The following TMEM151B variants were observed in gnomAD, a reference collection of about 807,000 sequenced individuals.
TMEM151B encodes the protein transmembrane protein 151B, also known as transmembrane protein 193.
Under a neutral mutation model 33.0 loss-of-function variants are expected in TMEM151B, and 18 were observed. The observed-to-expected ratio is 0.55, with a 90% CI of 0.38 to 0.81. The LOEUF (loss-of-function observed/expected upper bound fraction) is 0.81. TMEM151B is among the 30% of genes least tolerant of loss of function. The pLI, the probability that TMEM151B is intolerant of heterozygous loss-of-function variation, is 0.00. For missense variants in TMEM151B, 672 were observed against 843.4 expected (o/e 0.80, Z 2.52); for synonymous variants, 354 against 373.6 (o/e 0.95, Z 0.61).
At chr6:44,273,630 T>A in intron 2 of TMEM151B, 124 bp downstream of exon 2, 2 of 1,082,602 alleles carry the variant, frequency 1.8e-6, no homozygotes, top group Non-Finnish European at 2.6e-6. Flanking sequence ...TGAGCTCCCA[T>A]GAGCATTGCA....
At chr6:44,275,117 C>CAAAAAAAAAA (rs55699643) in intron 2 of TMEM151B, among the ~76,000 whole-genome samples, 1 of 111,812 alleles carries the variant, frequency 8.9e-6, no homozygotes, top group African/African-American at 3.5e-5. Flanking sequence ...GACTCCATCT[C>CAAAAAAAAAA]AAAAAAAAAA....
In TMEM151B at chr6:44,276,422, C is replaced by T; in HGVS notation, c.1596C>T (p.Asp532=). The T allele has an allele frequency of 2.6e-6, 4 of 1,510,804 alleles. No individual in the cohort carries two copies. Among genetic ancestry groups the T allele is most frequent in the African/African-American group, 1.4e-5 (1 of 70,774 alleles). The allele number at this position is 1,510,804 out of a possible 1,614,324, so 93.6% of individuals were successfully genotyped here. ...CCGGGCCGCCGCCGCCCTACCACGA[C>T]GCCCTCTACTTTCCGGTCCTCATCG... ...EEAGPPPPYH[D]ALYFPVLIVH... is the part of the protein sequence containing the mutation. The change falls in exon 3 of 3, where the codon GAC becomes GAT. Residue 532 remains aspartate (D), a synonymous_variant. Transcript: ENST00000451188.
At position 44,273,195 on chromosome 6, in the gene TMEM151B, C is replaced by T. The variant is rs763669380; in HGVS notation, c.265C>T (p.Arg89Cys). 14 of 1,549,582 alleles carry T rather than the reference C, an allele frequency of 9.0e-6. No homozygotes were observed. Among genetic ancestry groups the T allele is most frequent in the East Asian group, 4.9e-5 (2 of 40,866 alleles). The change falls in exon 2 of 3, where the codon CGC (arginine) becomes TGC (cysteine). Residue 89 changes from arginine (R) to cysteine (C), a missense_variant. By Grantham distance (180) the Arg-to-Cys change is radical (BLOSUM62 -3). This residue lies in a region of TMEM151B where 285 missense variants were observed against 423.1 expected (regional missense o/e 0.67). Coordinates refer to ENST00000451188, the MANE Select transcript of TMEM151B (RefSeq NM_001137560.2). ...VAWCHVTTVT[R>C]LTFSSAYQGN... is the part of the protein sequence containing the mutation. ...CTGGTGCCACGTCACCACAGTGACG[C>T]GCCTCACCTTCAGCAGCGCCTACCA...
chr6:44,272,611 G>A (rs1693756267), intron 1 of TMEM151B, among the ~76,000 whole-genome samples: 1 of 152,154 alleles, frequency 6.6e-6, no homozygotes, highest in African/African-American at 2.4e-5. Context: ...TAGAGGACCT[G>A]GAAGGGGTCT....
chr6:44,275,257 C>T, intron 2 of TMEM151B, 146 bp from the exon 3 acceptor site: 8 of 1,405,242 alleles, frequency 5.7e-6, no homozygotes, highest in Non-Finnish European at 6.5e-6. Context: ...AGATCCTAAC[C>T]AGCTCCAGCC....
chr6:44,276,135 C>T lies in TMEM151B; in HGVS notation c.1309C>T (p.Gln437Ter). The stretch of plus-strand genomic sequence containing the variant: ...CTACCGGCGCAGCTGCGAGCACTGC[C>T]AGCGCGCCGTCAGCAGCTCGTCTAT... Reference protein sequence around the residue: ...APYRRSCEHCQRAVSSSSIFS... With the variant: ...APYRRSCEHC The change falls in exon 3 of 3, where the codon CAG (glutamine) becomes TAG (stop). Residue 437 changes from glutamine to a stop codon, truncating the protein, a stop_gained. Transcript: ENST00000451188. LOFTEE classifies it low-confidence loss of function (END_TRUNC). 7.6e-7 allele frequency: 1 copy of T among 1,316,936 alleles called. No individual in the cohort carries two copies. Among genetic ancestry groups the T allele is most frequent in the Non-Finnish European group, 9.6e-7 (1 of 1,041,668 alleles). 81.6% of individuals were successfully genotyped at this position (1,316,936 alleles called of 1,614,324 possible). A position where few individuals can be genotyped will look rare whatever the true frequency, so the allele number is the denominator to read the frequency against.
In TMEM151B at chr6:44,276,143, C is replaced by G. The variant is rs1192176408; in HGVS notation, c.1317C>G (p.Ala439=). 1.5e-5 allele frequency: 20 copies of G among 1,315,554 alleles called. No individual in the cohort carries two copies. Among genetic ancestry groups the G allele is most frequent in the Non-Finnish European group, 1.8e-5 (19 of 1,040,946 alleles). 81.5% of individuals were successfully genotyped at this position (1,315,554 alleles called of 1,614,324 possible). A position where few individuals can be genotyped will look rare whatever the true frequency, so the allele number is the denominator to read the frequency against. Residue 439 remains alanine, a synonymous_variant, in exon 3 of 3, where the codon GCC becomes GCG. Transcript: ENST00000451188. ...YRRSCEHCQR[A]VSSSSIFSRS... ...GCAGCTGCGAGCACTGCCAGCGCGC[C>G]GTCAGCAGCTCGTCTATCTTCTCGC...
chr6:44,273,720 C>T (rs1490205315), intron 2 of TMEM151B, among the ~76,000 whole-genome samples: 2 of 152,254 alleles, frequency 1.3e-5, no homozygotes, highest in African/African-American at 4.8e-5. Flanking sequence ...GTATTTTACA[C>T]ACATCAAATC....
At chr6:44,272,467 A>C (rs1782401730) in intron 1 of TMEM151B, among the ~76,000 whole-genome samples, 1 of 152,016 alleles carries the variant, frequency 6.6e-6, no homozygotes, top group Admixed American at 6.6e-5. Context: ...GTGTTAGGCT[A>C]ATTGTGAGGG....
rs757205408 is a variant in TMEM151B at position 44,278,868 on chromosome 6, T to TACACACAC, written c.*2342_*2343insCACACACA. 2.0e-5 allele frequency: 1 copy of TACACACAC among 48,918 alleles called. No individual in the cohort carries two copies. Among genetic ancestry groups the TACACACAC allele is most frequent in the East Asian group, 8.7e-4 (1 of 1,154 alleles). 3.0% of individuals were successfully genotyped at this position (48,918 alleles called of 1,614,324 possible). ...TAGAACTTCTGCTAGCAGCTGTGGC[T>TACACACAC]ATACACACACACACACACACACACA... On this transcript the variant is annotated 3_prime_UTR_variant, in exon 3 of 3. Transcript: ENST00000451188.
chr6:44,270,797 G>A lies in TMEM151B; in HGVS notation c.55G>A (p.Gly19Ser). 1 of 1,134,486 alleles carries A rather than the reference G, an allele frequency of 8.8e-7. No homozygotes were observed. The highest frequency in any genetic ancestry group is 1.1e-6 in the Non-Finnish European group (1 of 925,482). The allele number at this position is 1,134,486 out of a possible 1,614,324, so 70.3% of individuals were successfully genotyped here. A position where few individuals can be genotyped will look rare whatever the true frequency, so the allele number is the denominator to read the frequency against. Residue 19 changes from glycine (G) to serine (S), a missense_variant, in exon 1 of 3, where the codon GGT becomes AGT. This residue lies in a region of TMEM151B where 63 missense variants were observed against 57.2 expected (regional missense o/e 1.10). Transcript: ENST00000451188. ...GESAAGGGGGGGGPGVSEELT... is the reference protein window; with the variant it reads ...GESAAGGGGGSGGPGVSEELT... ...GAGCGCCGCCGGCGGCGGCGGCGGC[G>A]GTGGCGGCCCCGGGGTCTCGGAGGA...
chr6:44,275,795 C>G lies in TMEM151B; in HGVS notation c.969C>G (p.Ala323=). The G allele has an allele frequency of 6.5e-7, 1 of 1,543,444 alleles. No individual in the cohort carries two copies. Residue 323 remains alanine, a synonymous_variant, in exon 3 of 3, where the codon GCC becomes GCG. Transcript: ENST00000451188. ...GAGTGCTGGCCGAGTACCGCACGGC[C>G]TACGCGCACTACCACGTGGAGAAGC... ...PLRVLAEYRT[A]YAHYHVEKLF... is the part of the protein sequence containing the mutation.
At position 44,275,552 on chromosome 6, in the gene TMEM151B, C is replaced by A. The variant is rs1224436039; in HGVS notation, c.726C>A (p.Ser242Arg). 1 of 1,550,632 alleles carries A rather than the reference C, an allele frequency of 6.4e-7. No homozygotes were observed. The highest frequency in any genetic ancestry group is 8.7e-7 in the Non-Finnish European group (1 of 1,146,620). Reference sequence around the variant, plus strand: ...TCACCAAGTGCTTCAGTTTCGCCAGCGTGGAGGCCGAGAACGCGTACCTGT... The same window carrying A: ...TCACCAAGTGCTTCAGTTTCGCCAGAGTGGAGGCCGAGAACGCGTACCTGT... ...LRFTKCFSFA[S>R]VEAENAYLCQ... The change falls in exon 3 of 3, where the codon AGC (serine) becomes AGA (arginine). Residue 242 changes from serine (S) to arginine (R), a missense_variant. By Grantham distance (110) the Ser-to-Arg change is moderately radical. Around this residue, in one of 3 missense-constraint regions of TMEM151B, gnomAD observed 285 missense variants for 423.1 expected, o/e 0.67. Transcript: ENST00000451188.
chr6:44,273,344 T>C lies in TMEM151B; in HGVS notation c.414T>C (p.His138=), dbSNP rs531563577. The C allele has an allele frequency of 3.2e-6, 5 of 1,551,462 alleles. No individual in the cohort carries two copies. In the African/African-American group the frequency reaches 5.5e-5, roughly 17 times the overall value. The part of the protein sequence containing the change: ...LVECWHCQAR[H]ELQHRVDVSS... ...AGTGTTGGCACTGCCAAGCCCGCCA[T>C]GAGCTGCAGCACCGTGTTGATGTGA... Residue 138 remains histidine (H), a synonymous_variant, in exon 2 of 3, where the codon CAT becomes CAC. Transcript: ENST00000451188.
rs1782289626 is a variant in TMEM151B, at chr6:44,270,707, C to T, written c.-36C>T. ...ATGCCCCCGGCCCCTGGCAGCCCCC[C>T]GGGAGGTCCTGAGCTCGACGCGCCC... On this transcript the variant is annotated 5_prime_UTR_variant, in exon 1 of 3. Coordinates refer to ENST00000451188, the MANE Select transcript of TMEM151B (RefSeq NM_001137560.2). The T allele has an allele frequency of 1.2e-6, 1 of 855,234 alleles. No homozygotes were observed. Among genetic ancestry groups the T allele is most frequent in the South Asian group, 5.4e-5 (1 of 18,414 alleles). The allele number at this position is 855,234 out of a possible 1,614,324, so 53.0% of individuals were successfully genotyped here.
chr6:44,275,915 G>T lies in TMEM151B; in HGVS notation c.1089G>T (p.Pro363=), dbSNP rs1383608144. The change falls in exon 3 of 3, where the codon CCG becomes CCT. Residue 363 remains proline, a synonymous_variant. Coordinates refer to ENST00000451188, the MANE Select transcript of TMEM151B (RefSeq NM_001137560.2). ...ELLPPLTHRL[P]RVNTVDSTEL... is the part of the protein sequence containing the mutation. ...TGCCCCCGCTCACCCACCGCCTGCC[G>T]CGGGTCAACACAGTAGACAGCACGG... 1 of 1,528,034 alleles carries T rather than the reference G, an allele frequency of 6.5e-7. No individual in the cohort carries two copies. The highest frequency in any genetic ancestry group is 8.8e-7 in the Non-Finnish European group (1 of 1,136,506). The allele number at this position is 1,528,034 out of a possible 1,614,324, so 94.7% of individuals were successfully genotyped here.
chr6:44,274,795 G>C (rs775991587), intron 2 of TMEM151B, among the ~76,000 whole-genome samples: 4 of 152,222 alleles, frequency 2.6e-5, no homozygotes, highest in Non-Finnish European at 5.9e-5. Context: ...GCCAGGGCCT[G>C]ACCCCTAGAG....
Position 44,277,549 on chromosome 6 carries a change from T to C in TMEM151B, c.*1022T>C, listed in dbSNP as rs1326489696. On this transcript the variant is annotated 3_prime_UTR_variant, in exon 3 of 3. Transcript: ENST00000451188. ...GGTAGAGGAAAAGGACCTCCAGAGG[T>C]GGGGTGTCTGTGGGGGCGGCCTTTG... 6.6e-6 allele frequency: 1 copy of C among 151,928 alleles called. No individual in the cohort carries two copies. Among genetic ancestry groups the C allele is most frequent in the East Asian group, 1.9e-4 (1 of 5,188 alleles). 9.4% of individuals were successfully genotyped at this position (151,928 alleles called of 1,614,324 possible).
At position 44,276,455 on chromosome 6, in the gene TMEM151B, G is replaced by A; in HGVS notation, c.1629G>A (p.Arg543=). ...ALYFPVLIVH[R]QEGCLGHSHR... Reference sequence around the variant, plus strand: ...ACTTTCCGGTCCTCATCGTCCACCGGCAGGAGGGGTGTCTGGGCCACAGCC... The same window carrying A: ...ACTTTCCGGTCCTCATCGTCCACCGACAGGAGGGGTGTCTGGGCCACAGCC... Residue 543 remains arginine, a synonymous_variant, in exon 3 of 3, where the codon CGG becomes CGA. Coordinates refer to ENST00000451188, the MANE Select transcript of TMEM151B (RefSeq NM_001137560.2). 6.7e-7 allele frequency: 1 copy of A among 1,488,100 alleles called. No homozygotes were observed. Among genetic ancestry groups the A allele is most frequent in the Non-Finnish European group, 8.9e-7 (1 of 1,120,550 alleles). The allele number at this position is 1,488,100 out of a possible 1,614,324, so 92.2% of individuals were successfully genotyped here.
Sources: gnomAD v4.1 joint callset for allele counts (sites outside exome capture counted in the v4.1 genomes callset) on GRCh38, gnomAD v4.1.1 for gene constraint, gnomAD v4.1.1 regional missense constraint, MANE v1.5 for transcripts, NCBI Gene and HGNC (gene_info 2026-07-23, HGNC 2026-07-21) for gene names.